ATRNL1: variants seen among roughly 807,000 people sequenced by gnomAD.
The protein encoded by ATRNL1 is attractin-like protein 1.
A neutral mutation model predicts 182.7 loss-of-function variants in ATRNL1; 95 were observed. That is an observed-to-expected ratio of 0.52 (90% CI 0.44 to 0.62). ATRNL1 has a LOEUF of 0.62. ATRNL1 is among the 20% of genes least tolerant of loss of function. The probability of loss-of-function intolerance (pLI) is 0.00; values close to 1 mark genes in which losing one functional copy is unlikely to be tolerated. For synonymous variants in ATRNL1, 576 were observed against 568.3 expected (o/e 1.01, Z -0.19); for missense variants, 1,471 against 1,679.5 (o/e 0.88, Z 2.17).
intron 26 of ATRNL1, among the ~76,000 whole-genome samples, chr10:115,713,915 C>T (rs1213327877): frequency 1.3e-5 from 2 of 152,138 alleles, no homozygotes; most frequent in Non-Finnish European, 2.9e-5. Flanking sequence ...ATTCAAGTTC[C>T]GTAAATTTAG....
At chr10:115,936,139 C>T (rs1389052796) in intron 28 of ATRNL1, among the ~76,000 whole-genome samples, 12 of 152,220 alleles carry the variant, frequency 7.9e-5, no homozygotes, top group Admixed American at 7.2e-4. Flanking sequence ...CAGGCAAAAT[C>T]TTTGCGTGCC....
At chr10:115,933,886 G>A (rs2620963) in intron 28 of ATRNL1, among the ~76,000 whole-genome samples, 148,053 of 152,180 alleles carry the variant, frequency 0.97, 72,172 homozygotes, top group East Asian at 1. Flanking sequence ...TTCTTACTCT[G>A]TTCTTTTTAC....
intron 18 of ATRNL1, among the ~76,000 whole-genome samples, chr10:115,333,442 T>A (rs782578802): frequency 4.6e-5 from 7 of 152,178 alleles, no homozygotes; most frequent in Non-Finnish European, 1.0e-4. Context: ...AAGTTTTTCT[T>A]ACCTAAAGAA....
intron 24 of ATRNL1, among the ~76,000 whole-genome samples, chr10:115,482,085 A>G (rs1477207084): frequency 2.0e-5 from 3 of 151,086 alleles, no homozygotes; most frequent in African/African-American, 7.3e-5. Flanking sequence ...ATAATGACTT[A>G]GCATAGCAAA....
At chr10:115,643,090 T>C (rs1427747319) in intron 26 of ATRNL1, among the ~76,000 whole-genome samples, 1 of 152,170 alleles carries the variant, frequency 6.6e-6, no homozygotes, top group African/African-American at 2.4e-5. Flanking sequence ...TGAAAAAACC[T>C]GATCTAAGCT....
intron 7 of ATRNL1, among the ~76,000 whole-genome samples, chr10:115,167,623 G>T (rs1160911540): frequency 1.3e-5 from 2 of 151,808 alleles, no homozygotes; most frequent in African/African-American, 4.8e-5. Flanking sequence ...TTTCTGTGCT[G>T]TTGTTAAAAA....
At chr10:115,589,078 T>G (rs74158392) in intron 26 of ATRNL1, among the ~76,000 whole-genome samples, 1 of 152,134 alleles carries the variant, frequency 6.6e-6, no homozygotes. Context: ...AGAGATATGA[T>G]AAGAAATATA....
rs144851721 is a variant in ATRNL1 at position 115,245,223 on chromosome 10, G to T, written c.1687+3498G>T. On this transcript the variant is annotated intron_variant, in intron 10 of 28. Coordinates refer to ENST00000355044, the MANE Select transcript of ATRNL1 (RefSeq NM_207303.4). ...CTTAAAAGATCACTTAACTGGCCGG[G>T]CACGGTGGCTGACTCCTGTAATCCC... Among the ~76,000 whole-genome samples, 18 of 152,036 alleles carry T rather than the reference G, an allele frequency of 1.2e-4. No individual in the cohort carries two copies. The East Asian group carries it at 3.3e-3, about 28-fold the overall frequency.
chr10:115,283,816 T>TG (rs1333082026), intron 14 of ATRNL1, among the ~76,000 whole-genome samples: 2 of 152,228 alleles, frequency 1.3e-5, no homozygotes, highest in Non-Finnish European at 2.9e-5. Flanking sequence ...AAGTTACTTT[T>TG]GGTAGTACTC....
chr10:115,568,805 C>G (rs188377343), intron 26 of ATRNL1, among the ~76,000 whole-genome samples: 2 of 151,894 alleles, frequency 1.3e-5, no homozygotes, highest in Middle Eastern at 3.4e-3. Context: ...TCACATTTAT[C>G]TATAACCTAG....
chr10:115,893,138 G>T (rs879992489), intron 28 of ATRNL1, among the ~76,000 whole-genome samples: 1 of 152,148 alleles, frequency 6.6e-6, no homozygotes, highest in East Asian at 1.9e-4. Flanking sequence ...GACAATGCAG[G>T]TTCGAGTTTC....
chr10:115,168,683 G>A (rs1298535639), intron 7 of ATRNL1, among the ~76,000 whole-genome samples: 4 of 151,898 alleles, frequency 2.6e-5, no homozygotes, highest in African/African-American at 9.7e-5. Context: ...TGAGTTGTAA[G>A]AATTCTTCAT....
intron 26 of ATRNL1, among the ~76,000 whole-genome samples, chr10:115,683,043 T>A (rs1384656197): frequency 2.0e-5 from 3 of 152,212 alleles, no homozygotes; most frequent in African/African-American, 7.2e-5. Context: ...CTCATAAGGC[T>A]ATTATTAAGT....
chr10:115,936,493 T>A (rs528645837), intron 28 of ATRNL1, among the ~76,000 whole-genome samples: 244 of 152,322 alleles, frequency 1.6e-3, no homozygotes, highest in African/African-American at 5.7e-3. Flanking sequence ...TTATCAAGGC[T>A]TTGGAGTTTT....
intron 8 of ATRNL1, among the ~76,000 whole-genome samples, chr10:115,206,194 T>C (rs1178433937): frequency 6.6e-6 from 1 of 152,116 alleles, no homozygotes; most frequent in Non-Finnish European, 1.5e-5. Context: ...TAAATTGTTG[T>C]TCCCTTATAT....
intron 20 of ATRNL1, among the ~76,000 whole-genome samples, chr10:115,413,326 A>G (rs1012621783): frequency 4.6e-5 from 7 of 152,058 alleles, no homozygotes; most frequent in Admixed American, 6.6e-5. Context: ...TGTCTTTTTT[A>G]AGTGAATTAA....
intron 6 of ATRNL1, 94 bp from the exon 7 acceptor site, chr10:115,165,464 A>T: frequency 1.8e-6 from 1 of 546,034 alleles, no homozygotes; most frequent in Non-Finnish European, 3.1e-6. Context: ...GAATTTAATG[A>T]ATACTTGGAC....
intron 8 of ATRNL1, among the ~76,000 whole-genome samples, chr10:115,208,764 G>A (rs1271506137): frequency 6.6e-6 from 1 of 151,982 alleles, no homozygotes; most frequent in African/African-American, 2.4e-5. Context: ...TCAGTACTCA[G>A]CTAAAGACAT....
intron 28 of ATRNL1, among the ~76,000 whole-genome samples, chr10:115,894,379 C>A (rs1555111992): frequency 6.6e-6 from 1 of 152,152 alleles, no homozygotes; most frequent in African/African-American, 2.4e-5. Flanking sequence ...TTACTCTCAC[C>A]TTTACAGAAA....
Sources: gnomAD v4.1 joint callset for allele counts (sites outside exome capture counted in the v4.1 genomes callset) on GRCh38, gnomAD v4.1.1 for gene constraint, MANE v1.5 for transcripts, NCBI Gene and HGNC (gene_info 2026-07-23, HGNC 2026-07-21) for gene names.